The following KIF6 variants were observed in gnomAD, a reference collection of about 807,000 sequenced individuals.
KIF6 encodes kinesin-like protein KIF6.
A neutral mutation model predicts 112.7 loss-of-function variants in KIF6; 106 were observed. The ratio of observed to expected loss-of-function variants is 0.94; its 90% CI spans 0.80 to 1.11. The LOEUF is 1.11. Among genes scored for constraint, KIF6 ranks in the 50% least tolerant of loss-of-function variants. The pLI is 0.00. For synonymous variants in KIF6, 339 were observed against 339.9 expected (o/e 1.00, Z 0.03); for missense variants, 929 against 964.0 (o/e 0.96, Z 0.48).
At chr6:39,367,076 T>A (rs1765616367) in intron 16 of KIF6, among the ~76,000 whole-genome samples, 1 of 152,148 alleles carries the variant, frequency 6.6e-6, no homozygotes, top group Non-Finnish European at 1.5e-5. Flanking sequence ...CACGTTGTCA[T>A]GACAACCAAA....
In KIF6 at chr6:39,335,222, A is replaced by AG. The variant is rs1762873465; in HGVS notation, c.*1309dup. ...AATGGTAATGGGATAGGGGATAACTAGGGGGTGACTCGAGATGGAGTGGTC... is the reference window on the plus strand; with the variant it reads ...AATGGTAATGGGATAGGGGATAACTAGGGGGGTGACTCGAGATGGAGTGGTC... On this transcript the variant is annotated 3_prime_UTR_variant, in exon 23 of 23. Transcript: ENST00000287152. 6.6e-6 allele frequency: 1 copy of AG among 152,122 alleles called. No homozygotes were observed. Among genetic ancestry groups the AG allele is most frequent in the Non-Finnish European group, 1.5e-5 (1 of 68,020 alleles). 9.4% of individuals were successfully genotyped at this position (152,122 alleles called of 1,614,324 possible). A position where few individuals can be genotyped will look rare whatever the true frequency, so the allele number is the denominator to read the frequency against.
In KIF6 at chr6:39,388,588, C is replaced by T. The variant is rs553802528; in HGVS notation, c.1811-2916G>A. ...CCAAAAATAGCCTTATGGCTGATAC[C>T]TAATTGCATTTCTAACAGAGCTATT... On this transcript the variant is annotated intron_variant, in intron 15 of 22. Coordinates refer to ENST00000287152, the MANE Select transcript of KIF6 (RefSeq NM_145027.6). Among the ~76,000 whole-genome samples the T allele has an allele frequency of 2.6e-4, 39 of 152,232 alleles. 1 individual carries two copies. Among genetic ancestry groups the T allele is most frequent in the African/African-American group, 9.2e-4 (38 of 41,528 alleles).
In KIF6 at chr6:39,455,276, G is replaced by A. The variant is rs1243439329; in HGVS notation, c.1646-24115C>T. ...CAGGGGCACACTGACACCTCACACTGCAGGGTATTCCAACAGACCTGCAGC... is the reference window on the plus strand; with the variant it reads ...CAGGGGCACACTGACACCTCACACTACAGGGTATTCCAACAGACCTGCAGC... On this transcript the variant is annotated intron_variant, in intron 13 of 22. Coordinates refer to ENST00000287152, the MANE Select transcript of KIF6 (RefSeq NM_145027.6). 2.0e-5 allele frequency among the ~76,000 whole-genome samples: 3 copies of A among 151,778 alleles called. No individual in the cohort carries two copies. In the East Asian group the frequency reaches 5.8e-4, roughly 30 times the overall value.
At chr6:39,510,201 C>T (rs1313948724) in intron 13 of KIF6, among the ~76,000 whole-genome samples, 1 of 150,582 alleles carries the variant, frequency 6.6e-6, no homozygotes, top group Non-Finnish European at 1.5e-5. Context: ...TCATGCCATT[C>T]TCCTGCTTCA....
chr6:39,404,471 T>C (rs1246735705), intron 15 of KIF6, among the ~76,000 whole-genome samples: 2 of 152,240 alleles, frequency 1.3e-5, no homozygotes, highest in Admixed American at 1.3e-4. Flanking sequence ...TGAAAATCAA[T>C]GAACCTTACA....
intron 13 of KIF6, among the ~76,000 whole-genome samples, chr6:39,468,388 A>C (rs1581922013): frequency 6.6e-6 from 1 of 152,316 alleles, no homozygotes; most frequent in Admixed American, 6.5e-5. Context: ...ATAAATTCTA[A>C]GTAGGATCAA....
At chr6:39,629,061 A>G (rs1163914431) in intron 5 of KIF6, among the ~76,000 whole-genome samples, 1 of 152,106 alleles carries the variant, frequency 6.6e-6, no homozygotes, top group Non-Finnish European at 1.5e-5. Context: ...ACTACAGTTT[A>G]TCTGTTAACC....
At chr6:39,612,572 T>C in intron 6 of KIF6, among the ~76,000 whole-genome samples, 1 of 152,180 alleles carries the variant, frequency 6.6e-6, no homozygotes, top group East Asian at 1.9e-4. Context: ...AGATTAACAA[T>C]GAATAATTTT....
At chr6:39,508,504 G>A (rs1776572010) in intron 13 of KIF6, among the ~76,000 whole-genome samples, 1 of 152,104 alleles carries the variant, frequency 6.6e-6, no homozygotes, top group Non-Finnish European at 1.5e-5. Flanking sequence ...GTACACTTCT[G>A]CCCAAATACT....
intron 13 of KIF6, among the ~76,000 whole-genome samples, chr6:39,453,287 T>C (rs1174061487): frequency 6.6e-6 from 1 of 152,232 alleles, no homozygotes; most frequent in African/African-American, 2.4e-5. Context: ...TGGGGTGTAT[T>C]AACACTGCCC....
chr6:39,357,232 G>A (rs751825840), intron 19 of KIF6, 45 bp downstream of exon 19: 47 of 1,225,464 alleles, frequency 3.8e-5, no homozygotes, highest in African/African-American at 3.8e-4. Context: ...AAGGTAGGGA[G>A]CCTTTTCTGG....
At chr6:39,653,070 T>C (rs546763914) in intron 3 of KIF6, among the ~76,000 whole-genome samples, 2 of 152,270 alleles carry the variant, frequency 1.3e-5, no homozygotes, top group South Asian at 4.1e-4. Context: ...AATATAACGG[T>C]TTAAGTTATC....
chr6:39,399,957 C>T (rs961768701), intron 15 of KIF6, among the ~76,000 whole-genome samples: 2 of 152,246 alleles, frequency 1.3e-5, no homozygotes, highest in African/African-American at 2.4e-5. Context: ...GCAGCAGCCC[C>T]TATAGCACGA....
At chr6:39,586,239 C>T (rs1312422733) in intron 8 of KIF6, 22 bp downstream of exon 8, 1 of 1,613,330 alleles carries the variant, frequency 6.2e-7, no homozygotes, top group Non-Finnish European at 8.5e-7. Context: ...ATTAAGATCT[C>T]CAGAAAGAAG....
At chr6:39,709,262 T>G (rs1040643949) in intron 3 of KIF6, among the ~76,000 whole-genome samples, 1 of 152,224 alleles carries the variant, frequency 6.6e-6, no homozygotes, top group South Asian at 2.1e-4. Flanking sequence ...ACTGGTTTTG[T>G]GGAAGACAAT....
At chr6:39,648,069 G>C (rs1431026153) in intron 3 of KIF6, among the ~76,000 whole-genome samples, 3 of 149,300 alleles carry the variant, frequency 2.0e-5, no homozygotes, top group African/African-American at 7.4e-5. Flanking sequence ...TGTCCACCAG[G>C]CTGGAGTGCA....
intron 2 of KIF6, among the ~76,000 whole-genome samples, chr6:39,720,093 T>G (rs1392501543): frequency 6.6e-6 from 1 of 152,230 alleles, no homozygotes; most frequent in Non-Finnish European, 1.5e-5. Context: ...ACCAAAATGT[T>G]ACAATTTCAG....
chr6:39,571,664 G>C (rs898367643), intron 10 of KIF6, among the ~76,000 whole-genome samples: 5 of 152,130 alleles, frequency 3.3e-5, no homozygotes, highest in Non-Finnish European at 4.4e-5. Context: ...TCATTTCCTA[G>C]ATACCATTAA....
chr6:39,713,485 G>C (rs779246119), intron 3 of KIF6, among the ~76,000 whole-genome samples: 1 of 152,200 alleles, frequency 6.6e-6, no homozygotes, highest in African/African-American at 2.4e-5. Context: ...GCAGTGGCTG[G>C]AGGAGAAAGT....
Sources: gnomAD v4.1 joint callset for allele counts (sites outside exome capture counted in the v4.1 genomes callset) on GRCh38, gnomAD v4.1.1 for gene constraint, MANE v1.5 for transcripts, NCBI Gene and HGNC (gene_info 2026-07-23, HGNC 2026-07-21) for gene names.